The following ANK2 variants were observed in gnomAD, a reference collection of about 807,000 sequenced individuals.
The protein encoded by ANK2 is ankyrin-2.
A neutral mutation model predicts 360.5 loss-of-function variants in ANK2; 83 were observed. That is an observed-to-expected ratio of 0.23 (90% confidence interval 0.19 to 0.28). The LOEUF (loss-of-function observed/expected upper bound fraction) is 0.28. Ranked by LOEUF, ANK2 falls within the 10% of genes least tolerant of loss-of-function variation. The pLI, the probability that ANK2 is intolerant of heterozygous loss-of-function variation, is 1.00. For missense variants in ANK2, 4,201 were observed against 4,795.7 expected (o/e 0.88, Z 3.66); for synonymous variants, 1,740 against 1,759.5 (o/e 0.99, Z 0.28).
At chr4:113,254,359 C>A (rs1586245627) in intron 10 of ANK2, among the ~76,000 whole-genome samples, 1 of 152,122 alleles carries the variant, frequency 6.6e-6, no homozygotes, top group Admixed American at 6.6e-5. Flanking sequence ...TGAGTAGGTG[C>A]TAAGTAAATA....
chr4:112,831,348 C>A (rs1249074330), intron 1 of ANK2, among the ~76,000 whole-genome samples: 1 of 152,218 alleles, frequency 6.6e-6, no homozygotes, highest in East Asian at 1.9e-4. Flanking sequence ...CTGTGTCTAG[C>A]TCAAGGTTTG....
intron 5 of ANK2, among the ~76,000 whole-genome samples, chr4:113,232,962 T>C (rs988216838): frequency 6.6e-6 from 1 of 152,090 alleles, no homozygotes; most frequent in Non-Finnish European, 1.5e-5. Context: ...GGGCAGTGAT[T>C]TCAAGTGATG....
At chr4:112,985,036 A>G (rs968789511) in intron 2 of ANK2, among the ~76,000 whole-genome samples, 4 of 152,240 alleles carry the variant, frequency 2.6e-5, no homozygotes, top group African/African-American at 9.6e-5. Flanking sequence ...TCTAGGTTTT[A>G]CAATTAAACT....
chr4:112,934,642 A>G (rs138542335), intron 2 of ANK2, among the ~76,000 whole-genome samples: 1 of 152,312 alleles, frequency 6.6e-6, no homozygotes, highest in Admixed American at 6.5e-5. Flanking sequence ...ACAGGATAGA[A>G]TTAATTTATA....
At chr4:113,228,104 A>T (rs931613592) in intron 4 of ANK2, among the ~76,000 whole-genome samples, 3 of 152,216 alleles carry the variant, frequency 2.0e-5, no homozygotes, top group Non-Finnish European at 4.4e-5. Flanking sequence ...GAAATGCTCT[A>T]ACCAAGATCT....
chr4:112,769,396 G>A, the ANK2 span, among the ~76,000 whole-genome samples: 1 of 152,096 alleles, frequency 6.6e-6, no homozygotes, highest in African/African-American at 2.4e-5. Context: ...AGGTTAAAGG[G>A]TATACATACT....
Position 113,020,833 on chromosome 4 carries a change from G to GAAAAAA in ANK2, c.21+116321_21+116326dup, listed in dbSNP as rs10674920. Among the ~76,000 whole-genome samples the GAAAAAA allele has an allele frequency of 1.2e-4, 18 of 146,280 alleles. 1 individual carries two copies. Among genetic ancestry groups the GAAAAAA allele is most frequent in the Non-Finnish European group, 2.2e-4 (15 of 67,006 alleles). On this transcript the variant is annotated intron_variant, in intron 2 of 30. Coordinates refer to the ANK2 transcript ENST00000503271. ...AGAGTGAGACTCTGTCTCAAAAAAA[G>GAAAAAA]AAAAAAATCTACCAAAACAAGAAAA...
At chr4:113,181,819 G>A (rs2153259536) in intron 2 of ANK2, among the ~76,000 whole-genome samples, 1 of 152,274 alleles carries the variant, frequency 6.6e-6, no homozygotes, top group African/African-American at 2.4e-5. Flanking sequence ...ATGAGGGAGG[G>A]GAAGCGTAGG....
chr4:113,238,228 G>A (rs1338907591), intron 7 of ANK2, among the ~76,000 whole-genome samples: 1 of 152,046 alleles, frequency 6.6e-6, no homozygotes, highest in Non-Finnish European at 1.5e-5. Context: ...CTCTCAGTAT[G>A]GTGTGTTTGT....
the ANK2 span, among the ~76,000 whole-genome samples, chr4:112,739,328 C>T: frequency 1.3e-5 from 2 of 152,160 alleles, no homozygotes; most frequent in Admixed American, 1.3e-4. Flanking sequence ...AAAGATATTT[C>T]TAGGCCAGGC....
intron 18 of ANK2, among the ~76,000 whole-genome samples, chr4:113,286,113 T>C (rs139432027): frequency 2.6e-5 from 4 of 152,316 alleles, no homozygotes; most frequent in African/African-American, 4.8e-5. Flanking sequence ...AAAAATGTCT[T>C]TGAGATTTGA....
chr4:113,037,806 G>A (rs950954635), intron 2 of ANK2, among the ~76,000 whole-genome samples: 4 of 151,902 alleles, frequency 2.6e-5, no homozygotes, highest in Non-Finnish European at 5.9e-5. Context: ...AGAGAACAAG[G>A]GAATTTATCA....
rs888888198 is a variant in ANK2 at position 112,935,231 on chromosome 4, TCTAA to T, written c.21+30720_21+30723del. On this transcript the variant is annotated intron_variant, in intron 2 of 30. Transcript: ENST00000503271. Reference sequence around the variant, plus strand: ...TGAGATAGGGTGCCACAGGAGGGCTTCTAACTGAGATGTGACATGATCCAAACTG... The same window carrying T: ...TGAGATAGGGTGCCACAGGAGGGCTTCTGAGATGTGACATGATCCAAACTG... Among the ~76,000 whole-genome samples, 22 of 152,304 alleles carry T rather than the reference TCTAA, an allele frequency of 1.4e-4. No homozygotes were observed. In the East Asian group the frequency reaches 1.5e-3, roughly 11 times the overall value.
At chr4:112,788,135 A>G in the ANK2 span, 5 of 1,582,350 alleles carry the variant, frequency 3.2e-6, no homozygotes, top group Non-Finnish European at 4.3e-6. Context: ...GAGCTTGGCA[A>G]TGCGAGCCAC....
At chr4:113,210,095 C>CT (rs996907415) in intron 4 of ANK2, among the ~76,000 whole-genome samples, 2 of 152,154 alleles carry the variant, frequency 1.3e-5, no homozygotes, top group African/African-American at 4.8e-5. Context: ...TCCTTGGCTG[C>CT]TATTACCTTC....
chr4:113,264,559 G>GA (rs2054829364), intron 13 of ANK2, among the ~76,000 whole-genome samples: 1 of 151,832 alleles, frequency 6.6e-6, no homozygotes, highest in Admixed American at 6.6e-5. Flanking sequence ...AGATGGAGAA[G>GA]AAAAATACAA....
At chr4:112,806,142 A>T in the ANK2 span, among the ~76,000 whole-genome samples, 2 of 152,194 alleles carry the variant, frequency 1.3e-5, no homozygotes, top group African/African-American at 4.8e-5. Flanking sequence ...TGTGTTATCA[A>T]AACTAGATCT....
At chr4:113,255,053 T>C (rs2048552955) in intron 10 of ANK2, among the ~76,000 whole-genome samples, 1 of 152,206 alleles carries the variant, frequency 6.6e-6, no homozygotes, top group South Asian at 2.1e-4. Flanking sequence ...GCTGTTGACC[T>C]TACTCTAGAA....
At chr4:112,955,313 C>G in intron 2 of ANK2, among the ~76,000 whole-genome samples, 1 of 151,920 alleles carries the variant, frequency 6.6e-6, no homozygotes, top group East Asian at 1.9e-4. Flanking sequence ...TAACCTAGGC[C>G]TAAGGATTGC....
Sources: allele counts gnomAD v4.1 joint callset (sites outside exome capture counted in the v4.1 genomes callset), GRCh38; gene constraint gnomAD v4.1.1; transcripts MANE v1.5; gene names NCBI Gene and HGNC (gene_info 2026-07-23, HGNC 2026-07-21).